The following ATG7 variants were observed in gnomAD, a reference collection of about 807,000 sequenced individuals.
ATG7 encodes the protein autophagy related 7.
A neutral mutation model predicts 82.4 loss-of-function variants in ATG7; 70 were observed. The ratio of observed to expected loss-of-function variants is 0.85; its 90% CI spans 0.70 to 1.04. The LOEUF is 1.04. ATG7 is among the 50% of genes least tolerant of loss of function. The probability of loss-of-function intolerance (pLI) is 0.00; values close to 1 mark genes in which losing one functional copy is unlikely to be tolerated. For missense variants in ATG7, 792 were observed against 864.3 expected (o/e 0.92, Z 1.05); for synonymous variants, 287 against 313.0 (o/e 0.92, Z 0.88).
At position 11,509,266 on chromosome 3, in the gene ATG7, CG is replaced by C. The variant is rs551849779; in HGVS notation, c.2080-45543del. On this transcript the variant is annotated intron_variant, in intron 20 of 20. Transcript: ENST00000693202. ...AGAGGCCAACTTGGTTGGCTGCTGC[CG>C]GCAGGAGGGAGCCGAGCTGTTCCCG... Among the ~76,000 whole-genome samples the C allele has an allele frequency of 2.6e-3, 390 of 152,242 alleles. 2 individuals are homozygous for C. Among genetic ancestry groups the C allele is most frequent in the African/African-American group, 9.1e-3 (379 of 41,530 alleles).
chr3:11,433,225 A>G (rs1298806541), intron 20 of ATG7, among the ~76,000 whole-genome samples: 1 of 149,524 alleles, frequency 6.7e-6, no homozygotes, highest in Non-Finnish European at 1.5e-5. Flanking sequence ...TGCGGCAGAC[A>G]GTGAGCTATG....
intron 20 of ATG7, among the ~76,000 whole-genome samples, chr3:11,503,837 G>A (rs1284653515): frequency 2.0e-5 from 3 of 151,224 alleles, no homozygotes; most frequent in East Asian, 1.9e-4. Flanking sequence ...TCAGTAGAAG[G>A]ATTAGACAGT....
At chr3:11,458,300 G>A (rs1408745631) in intron 20 of ATG7, among the ~76,000 whole-genome samples, 1 of 152,008 alleles carries the variant, frequency 6.6e-6, no homozygotes, top group East Asian at 1.9e-4. Flanking sequence ...GTCTTGCTGT[G>A]TTGCCCAGGA....
intron 20 of ATG7, among the ~76,000 whole-genome samples, chr3:11,486,711 C>T (rs1331890013): frequency 6.6e-6 from 1 of 152,010 alleles, no homozygotes; most frequent in Non-Finnish European, 1.5e-5. Flanking sequence ...AGATATGTCC[C>T]ATCAGTACCT....
intron 3 of ATG7, among the ~76,000 whole-genome samples, chr3:11,294,455 CTCAGGCGA>C (rs1388624803): frequency 2.6e-5 from 4 of 152,002 alleles, no homozygotes; most frequent in Admixed American, 2.6e-4. Context: ...AACTCCTAAC[CTCAGGCGA>C]TCCCCCGCTT....
At chr3:11,370,514 T>C (rs948606985) in intron 18 of ATG7, among the ~76,000 whole-genome samples, 2 of 151,272 alleles carry the variant, frequency 1.3e-5, no homozygotes, top group Non-Finnish European at 2.9e-5. Context: ...AGTTTTTATT[T>C]ATGCGAACTC....
chr3:11,345,280 G>T (rs1217949478), intron 13 of ATG7, among the ~76,000 whole-genome samples: 3 of 152,160 alleles, frequency 2.0e-5, no homozygotes, highest in Non-Finnish European at 2.9e-5. Flanking sequence ...ATGGTGGCAG[G>T]CGCCTGTGGT....
At chr3:11,293,292 G>A (rs1945262672) in intron 3 of ATG7, among the ~76,000 whole-genome samples, 2 of 150,112 alleles carry the variant, frequency 1.3e-5, no homozygotes, top group Admixed American at 6.6e-5. Context: ...CACTTTAGGA[G>A]GCCAAGGCGA....
intron 5 of ATG7, among the ~76,000 whole-genome samples, chr3:11,301,017 A>G (rs1042574391): frequency 6.6e-6 from 1 of 152,222 alleles, no homozygotes; most frequent in African/African-American, 2.4e-5. Flanking sequence ...TAAGAACAAA[A>G]GGCGCAAACA....
At chr3:11,284,933 G>A (rs1285341102) in intron 3 of ATG7, among the ~76,000 whole-genome samples, 2 of 148,526 alleles carry the variant, frequency 1.3e-5, no homozygotes, top group South Asian at 2.1e-4. Context: ...TGCAAGCTCC[G>A]CCTCCCGGGT....
intron 20 of ATG7, among the ~76,000 whole-genome samples, chr3:11,511,783 C>T (rs2092074502): frequency 6.6e-6 from 1 of 152,158 alleles, no homozygotes; most frequent in Non-Finnish European, 1.5e-5. Context: ...GAGCACAGCA[C>T]CGGTGGGCTG....
intron 20 of ATG7, among the ~76,000 whole-genome samples, chr3:11,467,906 G>T (rs1451183487): frequency 6.6e-6 from 1 of 152,114 alleles, no homozygotes; most frequent in East Asian, 1.9e-4. Flanking sequence ...AAATAATACA[G>T]AATTAGAAAG....
intron 20 of ATG7, among the ~76,000 whole-genome samples, chr3:11,438,514 C>G (rs111456870): frequency 0.027 from 4,042 of 152,044 alleles, 198 homozygotes; most frequent in African/African-American, 0.093. Context: ...TGCAGTGAGC[C>G]AAGATTGTAC....
intron 19 of ATG7, among the ~76,000 whole-genome samples, chr3:11,411,577 G>A (rs568775704): frequency 1.4e-4 from 17 of 125,374 alleles, no homozygotes; most frequent in Non-Finnish European, 2.1e-4. Flanking sequence ...CCGAGATCAC[G>A]CCACTGCACT....
chr3:11,413,301 T>A (rs569834881), intron 19 of ATG7, among the ~76,000 whole-genome samples: 1 of 152,338 alleles, frequency 6.6e-6, no homozygotes, highest in East Asian at 1.9e-4. Context: ...CTGTGGGTTT[T>A]GTTGCATATG....
At chr3:11,528,825 C>CAAA (rs11377789) in intron 20 of ATG7, among the ~76,000 whole-genome samples, 96 of 88,662 alleles carry the variant, frequency 1.1e-3, no homozygotes, top group African/African-American at 1.6e-3. Context: ...GACTCCATCT[C>CAAA]AAAAAAAAAA....
chr3:11,553,321 A>G (rs2125069140), intron 20 of ATG7, among the ~76,000 whole-genome samples: 1 of 151,236 alleles, frequency 6.6e-6, no homozygotes, highest in Non-Finnish European at 1.5e-5. Context: ...GGAGTGAAAG[A>G]GGGAGTATTC....
intron 20 of ATG7, among the ~76,000 whole-genome samples, chr3:11,454,176 T>C (rs2085471283): frequency 6.6e-6 from 1 of 152,128 alleles, no homozygotes; most frequent in Non-Finnish European, 1.5e-5. Flanking sequence ...CCTAGGAAAA[T>C]GTACTCTAAT....
intron 19 of ATG7, among the ~76,000 whole-genome samples, chr3:11,419,935 C>G (rs925503731): frequency 1.3e-5 from 2 of 152,164 alleles, no homozygotes; most frequent in African/African-American, 4.8e-5. Context: ...TTTGCAAACT[C>G]TCTCAGTACC....
Sources: allele counts gnomAD v4.1 joint callset (sites outside exome capture counted in the v4.1 genomes callset), GRCh38; gene constraint gnomAD v4.1.1; transcripts MANE v1.5; gene names NCBI Gene and HGNC (gene_info 2026-07-23, HGNC 2026-07-21).